Variants in LRRC8C observed in about 807,000 individuals in gnomAD.
LRRC8C encodes volume-regulated anion channel subunit LRRC8C.
Under a neutral mutation model 55.3 loss-of-function variants are expected in LRRC8C, and 20 were observed. That is an observed-to-expected ratio of 0.36 (90% confidence interval 0.25 to 0.53). The LOEUF is 0.53. Ranked by LOEUF, LRRC8C falls within the 20% of genes least tolerant of loss-of-function variation. LRRC8C has a pLI of 0.92. For missense variants in LRRC8C, 659 were observed against 951.4 expected, an observed-to-expected ratio of 0.69 and a Z score of 4.04; for synonymous variants, 376 against 360.7, an observed-to-expected ratio of 1.04 and a Z score of -0.48.
chr1:89,650,781 G>C (rs1026609638), intron 1 of LRRC8C, among the ~76,000 whole-genome samples: 3 of 152,192 alleles, frequency 2.0e-5, no homozygotes, highest in Non-Finnish European at 4.4e-5. Flanking sequence ...GAAGTTTTGG[G>C]TTCTACACTT....
Position 89,713,047 on chromosome 1 carries a change from C to T in LRRC8C, c.477C>T (p.Ile159=), listed in dbSNP as rs34247046. 2.5e-6 allele frequency: 4 copies of T among 1,614,070 alleles called. No homozygotes were observed. The Admixed American group carries it at 6.7e-5, about 27-fold the overall frequency. ...CCAGCTCCAAAATAGAACATTTCAT[C>T]TCCATTCTGGGGAAGTGTTTTGACT... ...PGSSSKIEHF[I]SILGKCFDSP... The change falls in exon 3 of 3, where the codon ATC becomes ATT. Residue 159 remains isoleucine (I), a synonymous_variant. Coordinates refer to ENST00000370454, the MANE Select transcript of LRRC8C (RefSeq NM_032270.5). This position sits in a 1 kb window ranked among gnomAD's most constrained non-coding sequence, Gnocchi z 5.2.
intron 1 of LRRC8C, among the ~76,000 whole-genome samples, chr1:89,659,055 TTTTTTTTGTGTGTGTGTGTGTGTGTGTG>T (rs764635509): frequency 1.3e-4 from 14 of 110,936 alleles, no homozygotes; most frequent in Non-Finnish European, 2.1e-4. Context: ...CAGGTTTTTT[TTTTTTTTGTGTGTGTGTGTGTGTGTGTG>T]TGTGTGTGTG....
chr1:89,621,801 T>C, the LRRC8C span, among the ~76,000 whole-genome samples: 8 of 152,238 alleles, frequency 5.3e-5, no homozygotes, highest in African/African-American at 1.7e-4. Flanking sequence ...TTTAGGTTAC[T>C]AAATGATTTT....
intron 1 of LRRC8C, among the ~76,000 whole-genome samples, chr1:89,678,699 TAA>T (rs113109949): frequency 7.6e-6 from 1 of 131,458 alleles, no homozygotes; most frequent in Non-Finnish European, 1.6e-5. Context: ...AAATTCTGTC[TAA>T]AAAAAAAAAA....
At chr1:89,644,602 C>G (rs1359298862) in intron 1 of LRRC8C, among the ~76,000 whole-genome samples, 2 of 152,210 alleles carry the variant, frequency 1.3e-5, no homozygotes, top group Admixed American at 6.5e-5. Flanking sequence ...TCTACAGCTA[C>G]TAACTCTCAT....
chr1:89,709,330 C>T (rs958567001), intron 2 of LRRC8C, among the ~76,000 whole-genome samples: 4 of 152,206 alleles, frequency 2.6e-5, no homozygotes, highest in Non-Finnish European at 2.9e-5. Flanking sequence ...TTCTGTAGAA[C>T]GGAGAGAATG....
chr1:89,685,098 GTTC>G (rs1657830439), intron 1 of LRRC8C, among the ~76,000 whole-genome samples: 2 of 115,116 alleles, frequency 1.7e-5, no homozygotes, highest in African/African-American at 6.4e-5. Context: ...TGTCTATCTA[GTTC>G]TTTTTTTTTT....
the LRRC8C span, chr1:89,626,363 A>G: frequency 6.6e-6 from 1 of 152,204 alleles, no homozygotes; most frequent in African/African-American, 2.4e-5. Context: ...GTATCCTATA[A>G]TTTAACTCAG....
chr1:89,685,368 G>A (rs1657846026), intron 1 of LRRC8C, among the ~76,000 whole-genome samples: 1 of 151,194 alleles, frequency 6.6e-6, no homozygotes, highest in South Asian at 2.1e-4. Context: ...ACCCGCCTCG[G>A]CCTCCCAAAG....
rs955127716 is a variant in LRRC8C at position 89,656,633 on chromosome 1, A to G, written c.-5+23311A>G. On this transcript the variant is annotated intron_variant, in intron 1 of 2. Coordinates refer to ENST00000370454, the MANE Select transcript of LRRC8C (RefSeq NM_032270.5). ...GCATAGGTAACACATGGAGTTACAGATAATTGATTGGGAGGAATTGGCCTT... is the reference window on the plus strand; with the variant it reads ...GCATAGGTAACACATGGAGTTACAGGTAATTGATTGGGAGGAATTGGCCTT... Among the ~76,000 whole-genome samples, 13 of 152,336 alleles carry G rather than the reference A, an allele frequency of 8.5e-5. No individual in the cohort carries two copies. The East Asian group carries it at 2.1e-3, about 25-fold the overall frequency.
chr1:89,676,707 G>A (rs1657556287), intron 1 of LRRC8C, among the ~76,000 whole-genome samples: 1 of 152,020 alleles, frequency 6.6e-6, no homozygotes, highest in Admixed American at 6.6e-5. Context: ...TTCTATCCTT[G>A]GTAAAATAAA....
intron 2 of LRRC8C, among the ~76,000 whole-genome samples, chr1:89,702,823 A>T (rs1401150931): frequency 6.6e-6 from 1 of 152,246 alleles, no homozygotes; most frequent in East Asian, 1.9e-4. Flanking sequence ...AAATTTAGAA[A>T]TCTTGGAAAT....
At chr1:89,694,813 T>G (rs1658125304) in intron 2 of LRRC8C, among the ~76,000 whole-genome samples, 1 of 150,426 alleles carries the variant, frequency 6.6e-6, no homozygotes, top group South Asian at 2.1e-4. Context: ...GTCTCAAACT[T>G]CTGACCTCAA....
chr1:89,621,486 C>T, the LRRC8C span, among the ~76,000 whole-genome samples: 2 of 151,912 alleles, frequency 1.3e-5, no homozygotes, highest in African/African-American at 4.8e-5. Context: ...TTCCTTTCCC[C>T]TTAAAGCACT....
At chr1:89,618,809 T>C in the LRRC8C span, among the ~76,000 whole-genome samples, 1 of 152,264 alleles carries the variant, frequency 6.6e-6, no homozygotes, top group East Asian at 1.9e-4. Flanking sequence ...GAGACCTTAG[T>C]ATTTTATCTC....
At chr1:89,637,782 T>C (rs931828160) in intron 1 of LRRC8C, among the ~76,000 whole-genome samples, 2 of 152,180 alleles carry the variant, frequency 1.3e-5, no homozygotes, top group African/African-American at 4.8e-5. Flanking sequence ...ATAGAAAATG[T>C]CTAAGCTCTT....
At chr1:89,678,893 G>C (rs566176363) in intron 1 of LRRC8C, among the ~76,000 whole-genome samples, 3 of 152,262 alleles carry the variant, frequency 2.0e-5, no homozygotes, top group African/African-American at 7.2e-5. Context: ...GGGGAATAGG[G>C]GACTGGGACA....
At chr1:89,624,364 A>C in the LRRC8C span, among the ~76,000 whole-genome samples, 4 of 152,336 alleles carry the variant, frequency 2.6e-5, no homozygotes, top group African/African-American at 9.6e-5. Flanking sequence ...GTCTTCCAAT[A>C]GTCACCAATA....
chr1:89,689,560 G>A (rs144465938), intron 2 of LRRC8C, among the ~76,000 whole-genome samples: 88 of 152,324 alleles, frequency 5.8e-4, no homozygotes, highest in African/African-American at 1.9e-3. Flanking sequence ...TAAATGGTTT[G>A]AGTAGGGTGA....
Sources: allele counts gnomAD v4.1 joint callset (sites outside exome capture counted in the v4.1 genomes callset), GRCh38; gene constraint gnomAD v4.1.1; non-coding constraint Gnocchi (gnomAD v3.1); transcripts MANE v1.5; gene names NCBI Gene and HGNC (gene_info 2026-07-23, HGNC 2026-07-21).